The following ZSWIM8 variants were observed in gnomAD, a reference collection of about 807,000 sequenced individuals.
The protein encoded by ZSWIM8 is zinc finger SWIM-type containing 8, also known as zinc finger SWIM domain-containing protein 8.
In ZSWIM8, 27 loss-of-function variants were observed where a neutral mutation model predicts 173.7. That is an observed-to-expected ratio of 0.16 (90% CI 0.11 to 0.21). The LOEUF is 0.21. Ranked by LOEUF, ZSWIM8 falls within the 10% of genes least tolerant of loss-of-function variation. The probability of loss-of-function intolerance (pLI) is 1.00; values close to 1 mark genes in which losing one functional copy is unlikely to be tolerated. For missense variants in ZSWIM8, 1,627 were observed against 2,428.8 expected (o/e 0.67, Z 6.94); for synonymous variants, 958 against 962.0 (o/e 1.00, Z 0.08).
At chr10:73,795,422 T>TG in intron 14 of ZSWIM8, 117 bp from the exon 15 acceptor site, 1 of 1,496,010 alleles carries the variant, frequency 6.7e-7, no homozygotes, top group South Asian at 1.3e-5. Context: ...TGATGTGGGT[T>TG]GGACCAAGGG....
intron 1 of ZSWIM8, 29 bp downstream of exon 1, chr10:73,786,115 G>A (rs1265889692): frequency 2.0e-6 from 3 of 1,517,926 alleles, no homozygotes; most frequent in Middle Eastern, 1.8e-4. Flanking sequence ...GAAGAGGAGC[G>A]GCAGGCCCTG....
At position 73,791,401 on chromosome 10, in the gene ZSWIM8, G is replaced by C; in HGVS notation, c.1221G>C (p.Gly407=). 3.1e-6 allele frequency: 5 copies of C among 1,613,952 alleles called. No homozygotes were observed. Among genetic ancestry groups the C allele is most frequent in the Non-Finnish European group, 4.2e-6 (5 of 1,179,838 alleles). Residue 407 remains glycine, a synonymous_variant, in exon 9 of 26, where the codon GGG becomes GGC. Coordinates refer to ENST00000604729, the MANE Select transcript of ZSWIM8 (RefSeq NM_001367799.1). The surrounding 1 kb of genome is among the most constrained non-coding windows in gnomAD (Gnocchi z 6.0). ...SASGHTGRSN[G]QSEVAAHACA... Reference sequence around the variant, plus strand: ...GTGGGCACACGGGCCGTAGCAACGGGCAGTCAGAGGTGGCAGCCCATGCCT... The same window carrying C: ...GTGGGCACACGGGCCGTAGCAACGGCCAGTCAGAGGTGGCAGCCCATGCCT...
chr10:73,791,448 T>A lies in ZSWIM8; in HGVS notation c.1268T>A (p.Met423Lys). The change falls in exon 9 of 26, where the codon ATG becomes AAG. Residue 423 changes from methionine to lysine, a missense_variant. Physicochemically the swap from Met to Lys is moderately conservative, Grantham distance 95. This residue lies in a region of ZSWIM8 where 103 missense variants were observed against 155.6 expected (regional missense o/e 0.66). Transcript: ENST00000604729. This position sits in a 1 kb window ranked among gnomAD's most constrained non-coding sequence, Gnocchi z 6.0. ...GCCTGTGCCAGCATGTGTGACGAGA[T>A]GGTCACACTGTGGAGGCTGGCCGTG... ...AHACASMCDEMVTLWRLAVLD... is the reference protein window; with the variant it reads ...AHACASMCDEKVTLWRLAVLD... The A allele has an allele frequency of 6.2e-7, 1 of 1,613,320 alleles. No individual in the cohort carries two copies. The highest frequency in any genetic ancestry group is 8.5e-7 in the Non-Finnish European group (1 of 1,179,410).
In ZSWIM8 at chr10:73,798,265, A is replaced by G. The variant is rs2083761007; in HGVS notation, c.3988A>G (p.Ile1330Val). The G allele has an allele frequency of 1.2e-5, 19 of 1,614,018 alleles. No homozygotes were observed. The highest frequency in any genetic ancestry group is 1.4e-5 in the Non-Finnish European group (17 of 1,179,886). ...GGAGATAGGCAGCGCAGCCCTGACT[A>G]TACTGGTAGAATGCTGGGATGGGCA... ...AMEIGSAALT[I>V]LVECWDGHLT... Residue 1330 changes from isoleucine to valine, a missense_variant, in exon 20 of 26, where the codon ATA becomes GTA. Coordinates refer to ENST00000604729, the MANE Select transcript of ZSWIM8 (RefSeq NM_001367799.1).
chr10:73,797,004 G>T lies in ZSWIM8; in HGVS notation c.3264G>T (p.Lys1088Asn), dbSNP rs754630662. The change falls in exon 16 of 26, where the codon AAG becomes AAT. Residue 1088 changes from lysine (K) to asparagine (N), a missense_variant. Lys to Asn is a moderately conservative substitution (Grantham distance 94). This residue lies in a region of ZSWIM8 where 163 missense variants were observed against 193.2 expected (regional missense o/e 0.84). Transcript: ENST00000604729. This position sits in a 1 kb window ranked among gnomAD's most constrained non-coding sequence, Gnocchi z 5.6. ...GPGPTEGFTE[K>N]NVPESSPHSP... ...GCCCCACTGAGGGCTTCACAGAGAAGAATGTGCCTGGTGAGGTGGGGGCAC... is the reference window on the plus strand; with the variant it reads ...GCCCCACTGAGGGCTTCACAGAGAATAATGTGCCTGGTGAGGTGGGGGCAC... 5 of 1,610,548 alleles carry T rather than the reference G, an allele frequency of 3.1e-6. No homozygotes were observed. The South Asian group carries it at 3.3e-5, about 11-fold the overall frequency.
chr10:73,787,030 G>T (rs2083252930), intron 1 of ZSWIM8, among the ~76,000 whole-genome samples: 1 of 149,356 alleles, frequency 6.7e-6, no homozygotes, highest in Non-Finnish European at 1.5e-5. Flanking sequence ...CGCAACCTCC[G>T]CCTCCCCAGT....
chr10:73,786,151 G>T, intron 1 of ZSWIM8, 65 bp downstream of exon 1: 2 of 1,420,272 alleles, frequency 1.4e-6, no homozygotes, highest in Non-Finnish European at 9.3e-7. Flanking sequence ...GGAGCTGTCC[G>T]GGACCAGGAG....
At chr10:73,788,042 C>T (rs2083285719) in intron 1 of ZSWIM8, among the ~76,000 whole-genome samples, 1 of 151,856 alleles carries the variant, frequency 6.6e-6, no homozygotes, top group African/African-American at 2.4e-5. Flanking sequence ...TATCTTAGTC[C>T]AGGTGATTCC....
chr10:73,797,763 AC>A lies in ZSWIM8; in HGVS notation c.3663-14del. 6.2e-7 allele frequency: 1 copy of A among 1,605,880 alleles called. No homozygotes were observed. ...CAAAGAAACCCCAACCCCCGTCCCT[AC>A]CCCATTGCCCCTTCAGGTACAAGGG... On this transcript the variant is annotated splice_polypyrimidine_tract_variant and intron_variant, in intron 18 of 25. Transcript: ENST00000604729. The surrounding 1 kb of genome is among the most constrained non-coding windows in gnomAD (Gnocchi z 5.6).
intron 20 of ZSWIM8, 94 bp downstream of exon 20, chr10:73,798,547 A>G: frequency 8.7e-7 from 1 of 1,154,704 alleles, no homozygotes; most frequent in Non-Finnish European, 1.2e-6. Context: ...TGATTCCCGT[A>G]TCCTGGAGTT....
chr10:73,786,234 A>G (rs1274425027), intron 1 of ZSWIM8, 148 bp downstream of exon 1: 2 of 920,592 alleles, frequency 2.2e-6, no homozygotes, highest in Non-Finnish European at 3.1e-6. Flanking sequence ...GCTGTCCCCG[A>G]CTGGGAGCTG....
chr10:73,790,623 CAGATCACCTG>C (rs2083383671), intron 7 of ZSWIM8, among the ~76,000 whole-genome samples: 1 of 152,098 alleles, frequency 6.6e-6, no homozygotes, highest in African/African-American at 2.4e-5. Context: ...CTGACGTGGG[CAGATCACCTG>C]AGATCAGGAG....
At chr10:73,790,686 T>TA (rs1284677658) in intron 7 of ZSWIM8, among the ~76,000 whole-genome samples, 3 of 152,100 alleles carry the variant, frequency 2.0e-5, no homozygotes, top group South Asian at 2.1e-4. Flanking sequence ...CCATCTCTAC[T>TA]AAAAAAACAA....
rs2083799503 is a variant in ZSWIM8, at chr10:73,799,067, C to T, written c.4242C>T (p.Tyr1414=). Residue 1414 remains tyrosine (Y), a synonymous_variant, in exon 21 of 26, where the codon TAC becomes TAT. Transcript: ENST00000604729. ...VEEAAKGGGV[Y]PEVLFEVAHQ... is the part of the protein sequence containing the mutation. ...AGGCAGCTAAGGGTGGGGGCGTGTACCCTGAAGTGTTGTTTGAGGTTGCTC... is the reference window on the plus strand; with the variant it reads ...AGGCAGCTAAGGGTGGGGGCGTGTATCCTGAAGTGTTGTTTGAGGTTGCTC... 6.2e-7 allele frequency: 1 copy of T among 1,613,762 alleles called. No homozygotes were observed. Among genetic ancestry groups the T allele is most frequent in the Admixed American group, 1.7e-5 (1 of 59,960 alleles).
Position 73,793,864 on chromosome 10 carries a change from G to T in ZSWIM8, c.2446-1G>T, listed in dbSNP as rs1259641375. The T allele has an allele frequency of 1.9e-6, 3 of 1,603,356 alleles. No homozygotes were observed. Among genetic ancestry groups the T allele is most frequent in the Admixed American group, 3.4e-5 (2 of 58,448 alleles). On this transcript the variant is annotated splice_acceptor_variant, in intron 11 of 25. Transcript: ENST00000604729. LOFTEE classifies it high-confidence loss of function. ...GTCTCCTGTGTTTCTTCCCTTTCTA[G>T]GGCAAGAAGAACAAGGTATCCACGA...
At position 73,797,240 on chromosome 10, in the gene ZSWIM8, G is replaced by A; in HGVS notation, c.3402G>A (p.Gly1134=). 4 of 1,613,972 alleles carry A rather than the reference G, an allele frequency of 2.5e-6. No individual in the cohort carries two copies. The highest frequency in any genetic ancestry group is 3.4e-6 in the Non-Finnish European group (4 of 1,179,874). ...SRGGYNGRGW[G]SPGRPKKKHT... ...GAGGCTATAATGGACGGGGATGGGGGTCCCCAGGACGGCCTAAGAAGAAGC... is the reference window on the plus strand; with the variant it reads ...GAGGCTATAATGGACGGGGATGGGGATCCCCAGGACGGCCTAAGAAGAAGC... The change falls in exon 17 of 26, where the codon GGG becomes GGA. Residue 1134 remains glycine (G), a synonymous_variant. Transcript: ENST00000604729. This position sits in a 1 kb window ranked among gnomAD's most constrained non-coding sequence, Gnocchi z 5.6.
At position 73,800,185 on chromosome 10, in the gene ZSWIM8, C is replaced by G. The variant is rs1318246002; in HGVS notation, c.4825+15C>G. 1 of 1,613,410 alleles carries G rather than the reference C, an allele frequency of 6.2e-7. No individual in the cohort carries two copies. On this transcript the variant is annotated intron_variant, in intron 22 of 25. Coordinates refer to ENST00000604729, the MANE Select transcript of ZSWIM8 (RefSeq NM_001367799.1). This position sits in a 1 kb window ranked among gnomAD's most constrained non-coding sequence, Gnocchi z 4.1. ...CAGTGTGGCCTGTGAGTTGTGGGGC[C>G]AGGGAACAGGTGAATGGAGGGGAGG...
intron 12 of ZSWIM8, 38 bp downstream of exon 12, chr10:73,794,082 T>A: frequency 6.2e-7 from 1 of 1,611,884 alleles, no homozygotes. Context: ...TTCAGTCTCT[T>A]TAGAGCCTTG....
At chr10:73,793,256 C>T (rs1370576540) in intron 10 of ZSWIM8, among the ~76,000 whole-genome samples, 2 of 152,168 alleles carry the variant, frequency 1.3e-5, no homozygotes, top group African/African-American at 4.8e-5. Context: ...GACAGATTGA[C>T]CTTTCTGCCT....
Sources: allele counts gnomAD v4.1 joint callset (sites outside exome capture counted in the v4.1 genomes callset), GRCh38; gene constraint gnomAD v4.1.1; regional missense constraint gnomAD v4.1.1; non-coding constraint Gnocchi (gnomAD v3.1); transcripts MANE v1.5; gene names NCBI Gene and HGNC (gene_info 2026-07-23, HGNC 2026-07-21).